CEP112: variants seen among roughly 807,000 people sequenced by gnomAD.
CEP112 encodes the protein centrosomal protein 112, also known as centrosomal protein of 112 kDa.
In CEP112, 127 loss-of-function variants were observed where a neutral mutation model predicts 153.0. The observed-to-expected ratio is 0.83, with a 90% CI of 0.72 to 0.96. The LOEUF (loss-of-function observed/expected upper bound fraction) is 0.96. Among genes scored for constraint, CEP112 ranks in the 40% least tolerant of loss-of-function variants. CEP112 has a pLI of 0.00. For missense variants in CEP112, 1,089 were observed against 1,101.2 expected (o/e 0.99, Z 0.16); for synonymous variants, 358 against 374.4 (o/e 0.96, Z 0.51).
intron 23 of CEP112, among the ~76,000 whole-genome samples, chr17:65,691,271 C>T (rs2048094387): frequency 1.3e-5 from 2 of 152,098 alleles, no homozygotes; most frequent in African/African-American, 4.8e-5. Flanking sequence ...AATTAGTGTC[C>T]ATTAAAGATT....
intron 21 of CEP112, among the ~76,000 whole-genome samples, chr17:65,829,748 A>G (rs377453471): frequency 6.6e-6 from 1 of 152,336 alleles, no homozygotes; most frequent in East Asian, 1.9e-4. Context: ...TTCAATAATT[A>G]AAGTACAGAA....
At chr17:65,868,505 TA>T (rs113334221) in intron 20 of CEP112, among the ~76,000 whole-genome samples, 2,662 of 140,264 alleles carry the variant, frequency 0.019, 30 homozygotes, top group Middle Eastern at 0.029. Flanking sequence ...GTCTCAAAAT[TA>T]AAAAAAAAAA....
chr17:66,049,120 C>T (rs1443996568), intron 12 of CEP112, among the ~76,000 whole-genome samples: 1 of 152,116 alleles, frequency 6.6e-6, no homozygotes, highest in East Asian at 1.9e-4. Flanking sequence ...CAACAGTGGT[C>T]CTGTGGTATT....
intron 20 of CEP112, among the ~76,000 whole-genome samples, chr17:65,896,286 C>G (rs2059656677): frequency 6.6e-6 from 1 of 151,810 alleles, no homozygotes; most frequent in African/African-American, 2.4e-5. Flanking sequence ...GTATTTTTTG[C>G]TTTTTAAACA....
intron 24 of CEP112, among the ~76,000 whole-genome samples, chr17:65,663,789 A>C (rs1437508941): frequency 2.6e-5 from 4 of 152,216 alleles, no homozygotes; most frequent in Non-Finnish European, 5.9e-5. Flanking sequence ...AAGCAAAATT[A>C]ACCTATAAAC....
At chr17:65,854,967 A>G (rs900038822) in intron 20 of CEP112, among the ~76,000 whole-genome samples, 9 of 152,190 alleles carry the variant, frequency 5.9e-5, no homozygotes, top group African/African-American at 1.9e-4. Context: ...TTTTTTAAAA[A>G]AAAGCTCAGG....
At chr17:65,903,945 G>T (rs1035735589) in intron 19 of CEP112, among the ~76,000 whole-genome samples, 1 of 152,020 alleles carries the variant, frequency 6.6e-6, no homozygotes, top group East Asian at 1.9e-4. Context: ...AATAAACTAG[G>T]TATTGATGGA....
At chr17:65,647,673 G>A (rs2045519533) in intron 24 of CEP112, among the ~76,000 whole-genome samples, 1 of 147,004 alleles carries the variant, frequency 6.8e-6, no homozygotes, top group African/African-American at 2.5e-5. Context: ...CATATGGATA[G>A]TTTCTCACTA....
intron 20 of CEP112, among the ~76,000 whole-genome samples, chr17:65,865,522 C>G (rs559999306): frequency 6.6e-6 from 1 of 152,236 alleles, no homozygotes; most frequent in Non-Finnish European, 1.5e-5. Context: ...CCTAGTGCAC[C>G]ACCCACACCC....
At chr17:65,674,658 A>C (rs2047141911) in intron 24 of CEP112, among the ~76,000 whole-genome samples, 1 of 152,236 alleles carries the variant, frequency 6.6e-6, no homozygotes, top group Non-Finnish European at 1.5e-5. Flanking sequence ...GCTTCAAGTC[A>C]TCTCAATCTT....
At chr17:65,878,536 C>A (rs1361909650) in intron 20 of CEP112, among the ~76,000 whole-genome samples, 1 of 152,106 alleles carries the variant, frequency 6.6e-6, no homozygotes, top group African/African-American at 2.4e-5. Context: ...GGACACTCAT[C>A]AGTTAAGAAC....
At chr17:66,182,959 T>C (rs112049998) in intron 2 of CEP112, among the ~76,000 whole-genome samples, 5,181 of 152,234 alleles carry the variant, frequency 0.034, 129 homozygotes, top group Middle Eastern at 0.061. Context: ...GTGCTATAAG[T>C]TCATGACATG....
At chr17:65,738,912 C>A (rs2050958472) in intron 23 of CEP112, among the ~76,000 whole-genome samples, 1 of 152,148 alleles carries the variant, frequency 6.6e-6, no homozygotes, top group African/African-American at 2.4e-5. Context: ...ACTATTTCTC[C>A]TCTCCTAGAT....
intron 21 of CEP112, among the ~76,000 whole-genome samples, chr17:65,845,984 G>GT (rs766401332): frequency 1.3e-5 from 2 of 152,110 alleles, no homozygotes; most frequent in Admixed American, 6.5e-5. Flanking sequence ...CCTTAACATC[G>GT]TAAGTGCTAC....
At position 65,792,969 on chromosome 17, in the gene CEP112, G is replaced by A. The variant is rs73342900; in HGVS notation, c.2395-42245C>T. Reference sequence around the variant, plus strand: ...ATACACGATTGAACACCTCTTTTTAGCTGGACGCCTAGTGGGCACTGAGGA... The same window carrying A: ...ATACACGATTGAACACCTCTTTTTAACTGGACGCCTAGTGGGCACTGAGGA... On this transcript the variant is annotated intron_variant, in intron 21 of 26. Coordinates refer to ENST00000535342, the MANE Select transcript of CEP112 (RefSeq NM_001199165.4). 9.6e-3 allele frequency among the ~76,000 whole-genome samples: 1,461 copies of A among 152,094 alleles called. 31 individuals carry two copies. The highest frequency in any genetic ancestry group is 0.034 in the African/African-American group (1,391 of 41,474).
At chr17:65,743,516 A>G (rs2051254831) in intron 22 of CEP112, among the ~76,000 whole-genome samples, 1 of 152,218 alleles carries the variant, frequency 6.6e-6, no homozygotes, top group East Asian at 1.9e-4. Context: ...AAATATGAAA[A>G]GTGTCAGATT....
intron 12 of CEP112, among the ~76,000 whole-genome samples, chr17:66,033,286 T>TAGAA (rs55791844): frequency 0.92 from 140,569 of 152,038 alleles, 65,234 homozygotes; most frequent in East Asian, 0.97. Flanking sequence ...AATATACAAA[T>TAGAA]AGAGTATACT....
chr17:65,909,143 G>C (rs1338786103), intron 19 of CEP112, among the ~76,000 whole-genome samples: 1 of 152,170 alleles, frequency 6.6e-6, no homozygotes, highest in Non-Finnish European at 1.5e-5. Context: ...TTAATGTCAG[G>C]AATGCCAGTG....
At chr17:66,053,962 A>G (rs1002316579) in intron 11 of CEP112, 83 bp from the exon 12 acceptor site, 9 of 1,098,452 alleles carry the variant, frequency 8.2e-6, no homozygotes, top group African/African-American at 1.6e-5. Flanking sequence ...TGGTTTCTAT[A>G]TTCCTCTATT....
Sources: gnomAD v4.1 joint callset for allele counts (sites outside exome capture counted in the v4.1 genomes callset) on GRCh38, gnomAD v4.1.1 for gene constraint, MANE v1.5 for transcripts, NCBI Gene and HGNC (gene_info 2026-07-23, HGNC 2026-07-21) for gene names.